Variants in KLF8 observed in about 807,000 individuals in gnomAD.
KLF8 encodes the protein KLF transcription factor 8.
KLF8 carries 10 observed loss-of-function variants against 18.2 expected under a neutral mutation model. That is an observed-to-expected ratio of 0.55 (90% confidence interval 0.34 to 0.93). The LOEUF is 0.93. Ranked by LOEUF, KLF8 falls within the 40% of genes least tolerant of loss-of-function variation. KLF8 has a pLI of 0.02. For missense variants in KLF8, 264 were observed against 277.9 expected, an observed-to-expected ratio of 0.95 and a Z score of 0.36; for synonymous variants, 109 against 97.3, an observed-to-expected ratio of 1.12 and a Z score of -0.71.
chrX:56,155,011 T>G, the KLF8 span, among the ~76,000 whole-genome samples: 2 of 112,217 alleles, frequency 1.8e-5, no homozygotes, highest in Non-Finnish European at 1.9e-5. Flanking sequence ...TTGGTGGGAC[T>G]GTAAACTAGT....
chrX:55,941,719 C>T, the KLF8 span, among the ~76,000 whole-genome samples: 2 of 112,097 alleles, frequency 1.8e-5, no homozygotes, highest in African/African-American at 6.5e-5. Flanking sequence ...TATGAACAGA[C>T]ACTTCTCAAA....
At chrX:55,986,080 G>A in the KLF8 span, among the ~76,000 whole-genome samples, 2 of 111,650 alleles carry the variant, frequency 1.8e-5, no homozygotes, top group Non-Finnish European at 3.8e-5. Flanking sequence ...CACTTCATCT[G>A]CAAACAAAGA....
At chrX:56,189,491 A>G in the KLF8 span, among the ~76,000 whole-genome samples, 1 of 111,094 alleles carries the variant, frequency 9.0e-6, no homozygotes, top group South Asian at 3.8e-4. Flanking sequence ...AACTAGAAAT[A>G]CCATTTGACC....
the KLF8 span, among the ~76,000 whole-genome samples, chrX:55,997,147 T>C: frequency 9.0e-6 from 1 of 111,654 alleles, no homozygotes; most frequent in Admixed American, 9.4e-5. Flanking sequence ...GCAGGGACCC[T>C]GGGGGAGGCT....
chrX:55,963,232 T>C, the KLF8 span, among the ~76,000 whole-genome samples: 1 of 112,125 alleles, frequency 8.9e-6, no homozygotes, highest in South Asian at 3.7e-4. Context: ...ATCACCTTTC[T>C]CAGCAAAGAA....
rs768076451 is a variant in KLF8, at chrX:56,269,500, T to C, written c.758+11T>C. 1 of 1,173,254 alleles carries C rather than the reference T, an allele frequency of 8.5e-7. No individual in the cohort carries two copies. The highest frequency in any genetic ancestry group is 1.9e-5 in the African/African-American group (1 of 52,205). ...GGGACTACAGCAAGAGTGAGTACTTTTTGTCTTCAAGTCTGTCTTTGTGTA... is the reference window on the plus strand; with the variant it reads ...GGGACTACAGCAAGAGTGAGTACTTCTTGTCTTCAAGTCTGTCTTTGTGTA... On this transcript the variant is annotated intron_variant, in intron 4 of 5. Coordinates refer to ENST00000468660, the MANE Select transcript of KLF8 (RefSeq NM_007250.5).
the KLF8 span, among the ~76,000 whole-genome samples, chrX:55,994,168 C>T: frequency 9.1e-6 from 1 of 110,206 alleles, no homozygotes; most frequent in African/African-American, 3.3e-5. Flanking sequence ...CCTCAGCCTC[C>T]CAAAGTGCTG....
chrX:56,001,096 G>A, the KLF8 span, among the ~76,000 whole-genome samples: 2 of 112,320 alleles, frequency 1.8e-5, no homozygotes, highest in Non-Finnish European at 3.8e-5. Flanking sequence ...CTGGAATGCT[G>A]CAGTGGGCAC....
chrX:56,195,060 C>G, the KLF8 span, among the ~76,000 whole-genome samples: 7 of 111,975 alleles, frequency 6.3e-5, no homozygotes, highest in Middle Eastern at 4.6e-3. Flanking sequence ...TCATCTACAT[C>G]AAAACCCCAT....
the KLF8 span, among the ~76,000 whole-genome samples, chrX:56,049,153 A>G: frequency 1.8e-5 from 2 of 111,800 alleles, no homozygotes; most frequent in Non-Finnish European, 3.8e-5. Flanking sequence ...TTATCAGCTT[A>G]AGGAGATTTT....
chrX:55,958,159 T>A, the KLF8 span, among the ~76,000 whole-genome samples: 3 of 112,469 alleles, frequency 2.7e-5, no homozygotes, highest in Non-Finnish European at 5.6e-5. Flanking sequence ...GAGAAAAAGA[T>A]CAGCTAAGAT....
At chrX:56,190,982 T>A in the KLF8 span, among the ~76,000 whole-genome samples, 4 of 110,931 alleles carry the variant, frequency 3.6e-5, no homozygotes, top group Non-Finnish European at 7.6e-5. Context: ...AATAAATGAA[T>A]TTGAGAAAAA....
chrX:56,253,707 T>TA (rs2066745746), intron 2 of KLF8, among the ~76,000 whole-genome samples: 1 of 110,182 alleles, frequency 9.1e-6, no homozygotes, highest in East Asian at 2.8e-4. Flanking sequence ...TGTGGTTTGA[T>TA]ATAAATTTTC....
chrX:56,159,866 G>T, the KLF8 span, among the ~76,000 whole-genome samples: 6 of 111,051 alleles, frequency 5.4e-5, no homozygotes, highest in African/African-American at 1.3e-4. Flanking sequence ...TTTTTGAAGG[G>T]TTTTTTTATG....
the KLF8 span, among the ~76,000 whole-genome samples, chrX:56,006,690 G>A: frequency 8.9e-6 from 1 of 112,600 alleles, no homozygotes; most frequent in East Asian, 2.8e-4. Context: ...GGGATTATTT[G>A]TATTTTTGCT....
intron 5 of KLF8, among the ~76,000 whole-genome samples, chrX:56,272,560 T>C (rs142344450): frequency 6.5e-4 from 72 of 111,252 alleles, no homozygotes; most frequent in African/African-American, 2.3e-3. Flanking sequence ...GTTTTTAGGA[T>C]TGACCCATAC....
chrX:56,075,993 G>A, the KLF8 span, among the ~76,000 whole-genome samples: 25 of 65,100 alleles, frequency 3.8e-4, no homozygotes, highest in Non-Finnish European at 9.6e-4. Flanking sequence ...AGAGTGTGAT[G>A]TTCCCCTTCC....
the KLF8 span, among the ~76,000 whole-genome samples, chrX:56,034,904 C>T: frequency 4.7e-5 from 5 of 105,589 alleles, no homozygotes; most frequent in South Asian, 1.3e-3. Flanking sequence ...TACAGGCGCC[C>T]GCTACCACGC....
the KLF8 span, among the ~76,000 whole-genome samples, chrX:55,919,269 CA>C: frequency 1.8e-5 from 2 of 112,028 alleles, no homozygotes; most frequent in Non-Finnish European, 3.8e-5. Flanking sequence ...GACTAGCTTG[CA>C]GCTCCTGGTC....
Sources: allele counts gnomAD v4.1 joint callset (sites outside exome capture counted in the v4.1 genomes callset), GRCh38; gene constraint gnomAD v4.1.1; transcripts MANE v1.5; gene names NCBI Gene and HGNC (gene_info 2026-07-23, HGNC 2026-07-21).